Variants in SPIN2A observed in about 807,000 individuals in gnomAD.
SPIN2A encodes the protein spindlin-2A.
Under a neutral mutation model 9.2 loss-of-function variants are expected in SPIN2A, and 4 were observed. The observed-to-expected ratio is 0.44, with a 90% CI of 0.21 to 1.00. The LOEUF is 1.00. Ranked by LOEUF, SPIN2A falls within the 50% of genes least tolerant of loss-of-function variation. The pLI is 0.26. For missense variants in SPIN2A, 77 were observed against 172.8 expected (o/e 0.45, Z 3.11); for synonymous variants, 25 against 61.2 (o/e 0.41, Z 2.76).
rs1927673501 is a variant in SPIN2A, at chrX:57,135,654, G to A, written c.*167C>T. The A allele has an allele frequency of 4.8e-6, 5 of 1,044,677 alleles. No homozygotes were observed. In the South Asian group the frequency reaches 7.4e-5, roughly 15 times the overall value. 86.1% of individuals were successfully genotyped at this position (1,044,677 alleles called of 1,213,427 possible). A position where few individuals can be genotyped will look rare whatever the true frequency, so the allele number is the denominator to read the frequency against. ...AAAGGGCTTACAGACAGCATGTCAT[G>A]TATTCACAAATTTGTATTTTTTAGA... On this transcript the variant is annotated 3_prime_UTR_variant, in exon 2 of 2. Coordinates refer to ENST00000374906, the MANE Select transcript of SPIN2A (RefSeq NM_019003.5).
At chrX:57,138,420 TTATA>T (rs764241953), upstream of SPIN2A, among the ~76,000 whole-genome samples, 6 of 107,767 alleles carry the variant, frequency 5.6e-5, no homozygotes, top group African/African-American at 1.7e-4. Flanking sequence ...TAATATTTTA[TTATA>T]TATATATATA....
At chrX:57,138,031 G>GA (rs1927885855), upstream of SPIN2A, among the ~76,000 whole-genome samples, 1 of 111,484 alleles carries the variant, frequency 9.0e-6, no homozygotes, top group South Asian at 3.7e-4. Flanking sequence ...ACACACTCAC[G>GA]AATACATACA....
At chrX:57,141,133 G>GTT (rs1345178819), upstream of SPIN2A, among the ~76,000 whole-genome samples, 1 of 111,347 alleles carries the variant, frequency 9.0e-6, no homozygotes, top group African/African-American at 3.3e-5. Flanking sequence ...TTTGTTGAGA[G>GTT]TTTTTTTCAT....
At chrX:57,144,587 T>C in the SPIN2A span, among the ~76,000 whole-genome samples, 2 of 109,812 alleles carry the variant, frequency 1.8e-5, no homozygotes, top group Middle Eastern at 4.7e-3. Context: ...AAGTTCTTTA[T>C]TGGTGATTTG....
upstream of SPIN2A, among the ~76,000 whole-genome samples, chrX:57,141,208 A>T (rs905800335): frequency 9.9e-5 from 11 of 111,249 alleles, no homozygotes; most frequent in Non-Finnish European, 1.9e-4. Flanking sequence ...TGGTTTTGGT[A>T]CTTTATTCTA....
chrX:57,144,985 G>T, the SPIN2A span, among the ~76,000 whole-genome samples: 1 of 110,434 alleles, frequency 9.1e-6, no homozygotes, highest in African/African-American at 3.3e-5. Context: ...TGAACATTTG[G>T]GCTGGTTCCA....
chrX:57,134,746 C>T (rs1431892541), downstream of SPIN2A: 2 of 111,771 alleles, frequency 1.8e-5, no homozygotes, highest in African/African-American at 3.3e-5. Flanking sequence ...GCTTATCTAG[C>T]GCAGGACAAA....
upstream of SPIN2A, among the ~76,000 whole-genome samples, chrX:57,138,543 G>A (rs1412209757): frequency 3.6e-5 from 4 of 111,035 alleles, no homozygotes; most frequent in African/African-American, 6.6e-5. Flanking sequence ...ATAGCTCGTT[G>A]ATATGCTGAT....
chrX:57,140,798 G>T (rs899266505), upstream of SPIN2A, among the ~76,000 whole-genome samples: 51 of 111,219 alleles, frequency 4.6e-4, no homozygotes, highest in African/African-American at 1.6e-3. Context: ...TGGGCATAAA[G>T]ATGTAAATAA....
At chrX:57,142,994 T>C in the SPIN2A span, among the ~76,000 whole-genome samples, 1 of 111,609 alleles carries the variant, frequency 9.0e-6, no homozygotes, top group Non-Finnish European at 1.9e-5. Context: ...GTCTGTTGTA[T>C]GTCTTTATCA....
the SPIN2A span, among the ~76,000 whole-genome samples, chrX:57,142,543 A>G: frequency 9.8e-5 from 11 of 112,155 alleles, no homozygotes; most frequent in Non-Finnish European, 3.8e-5. Context: ...GTCTTGGAGA[A>G]TGTTCCATGT....
the SPIN2A span, among the ~76,000 whole-genome samples, chrX:57,146,348 CT>C: frequency 9.0e-6 from 1 of 111,315 alleles, no homozygotes; most frequent in South Asian, 3.8e-4. Context: ...GGATTGAGTT[CT>C]TGATTTGATT....
upstream of SPIN2A, among the ~76,000 whole-genome samples, chrX:57,138,641 G>A (rs1927910452): frequency 9.0e-6 from 1 of 111,096 alleles, no homozygotes; most frequent in Non-Finnish European, 1.9e-5. Flanking sequence ...CTACCACGCT[G>A]TTTTTCATAA....
upstream of SPIN2A, among the ~76,000 whole-genome samples, chrX:57,140,923 A>G (rs1927985953): frequency 2.7e-5 from 3 of 111,929 alleles, no homozygotes; most frequent in Non-Finnish European, 3.8e-5. Flanking sequence ...AAACCCCAGC[A>G]TTATGCAGTG....
chrX:57,144,211 G>GT, the SPIN2A span, among the ~76,000 whole-genome samples: 4 of 111,185 alleles, frequency 3.6e-5, no homozygotes, highest in African/African-American at 1.3e-4. Flanking sequence ...ATGTTATTTG[G>GT]TTTTTTCTTT....
At chrX:57,135,597 C>G (rs1927668806), downstream of SPIN2A, 3 of 704,513 alleles carry the variant, frequency 4.3e-6, no homozygotes, top group Non-Finnish European at 6.1e-6. Context: ...CATGCCCCAT[C>G]TACCAAACAC....
the SPIN2A span, among the ~76,000 whole-genome samples, chrX:57,144,623 G>A: frequency 1.1e-4 from 12 of 109,629 alleles, no homozygotes; most frequent in South Asian, 3.9e-4. Context: ...CGTATCACCC[G>A]AGCAGTTTAC....
chrX:57,143,792 A>G, the SPIN2A span, among the ~76,000 whole-genome samples: 1 of 111,443 alleles, frequency 9.0e-6, no homozygotes, highest in Non-Finnish European at 1.9e-5. Flanking sequence ...ATTATTTTTG[A>G]TAGCTTTGTC....
upstream of SPIN2A, among the ~76,000 whole-genome samples, chrX:57,141,601 A>G (rs1221864657): frequency 1.8e-5 from 2 of 111,136 alleles, no homozygotes; most frequent in Admixed American, 9.6e-5. Flanking sequence ...TACCATTGCT[A>G]TCTCATTACC....
Sources: allele counts gnomAD v4.1 joint callset (sites outside exome capture counted in the v4.1 genomes callset), GRCh38; gene constraint gnomAD v4.1.1; transcripts MANE v1.5; gene names NCBI Gene and HGNC (gene_info 2026-07-23, HGNC 2026-07-21).